Variants in PVT1 observed in about 807,000 individuals in gnomAD.
The protein encoded by PVT1 is Pvt1 oncogene.
intron 4 of PVT1, among the ~76,000 whole-genome samples, chr8:128,060,524 G>A (rs1196580786): frequency 6.6e-6 from 1 of 152,224 alleles, no homozygotes; most frequent in Non-Finnish European, 1.5e-5. Context: ...GACTCTCGGA[G>A]TTTAAACTCT....
chr8:128,068,001 TATAAAAACAATTTTAAAGAATGCCC>T (rs1813931610), intron 4 of PVT1, among the ~76,000 whole-genome samples: 1 of 151,578 alleles, frequency 6.6e-6, no homozygotes, highest in Admixed American at 6.6e-5. Context: ...TAACCACATC[TATAAAAACAATTTTAAAGAATGCCC>T]AAATCCCAGA....
intron 4 of PVT1, among the ~76,000 whole-genome samples, chr8:128,067,980 GA>G (rs1813931328): frequency 9.8e-6 from 1 of 102,468 alleles, no homozygotes; most frequent in Admixed American, 9.9e-5. Context: ...TATCTTATTT[GA>G]AAATCAATAT....
intron 2 of PVT1, among the ~76,000 whole-genome samples, chr8:127,881,517 C>T (rs1037782549): frequency 1.3e-5 from 2 of 151,050 alleles, no homozygotes; most frequent in African/African-American, 4.9e-5. Flanking sequence ...GTGGCACAAT[C>T]ACAATCTCAG....
At chr8:128,022,256 A>G (rs893243887) in intron 4 of PVT1, among the ~76,000 whole-genome samples, 1 of 152,162 alleles carries the variant, frequency 6.6e-6, no homozygotes, top group African/African-American at 2.4e-5. Context: ...GTGGGAGTGG[A>G]TCAATTAACT....
At chr8:127,896,968 C>T (rs1430236746) in intron 3 of PVT1, among the ~76,000 whole-genome samples, 2 of 152,144 alleles carry the variant, frequency 1.3e-5, no homozygotes, top group African/African-American at 4.8e-5. Flanking sequence ...GACCTCACCC[C>T]ATGAAGCTGT....
At chr8:127,993,670 T>A (rs1817071365) in intron 4 of PVT1, among the ~76,000 whole-genome samples, 1 of 152,140 alleles carries the variant, frequency 6.6e-6, no homozygotes, top group African/African-American at 2.4e-5. Flanking sequence ...GTTAACTGAA[T>A]TCAGGACACT....
At chr8:128,042,854 C>T (rs1230730606) in intron 4 of PVT1, among the ~76,000 whole-genome samples, 1 of 152,014 alleles carries the variant, frequency 6.6e-6, no homozygotes, top group Non-Finnish European at 1.5e-5. Context: ...ACCTCTGCCT[C>T]CTGGGTTCAG....
chr8:127,908,306 C>T (rs971751973), intron 3 of PVT1, among the ~76,000 whole-genome samples: 1 of 151,470 alleles, frequency 6.6e-6, no homozygotes, highest in African/African-American at 2.4e-5. Context: ...TTCATCCCTT[C>T]CTCTTCAGTT....
chr8:128,031,970 C>T (rs72720886), intron 4 of PVT1, among the ~76,000 whole-genome samples: 6 of 152,174 alleles, frequency 3.9e-5, no homozygotes, highest in Non-Finnish European at 5.9e-5. Flanking sequence ...ACAACCATGT[C>T]GTGATGATGA....
intron 3 of PVT1, among the ~76,000 whole-genome samples, chr8:127,912,268 G>A (rs1281833495): frequency 1.3e-5 from 2 of 152,114 alleles, no homozygotes; most frequent in Non-Finnish European, 2.9e-5. Flanking sequence ...AAATTTTGGA[G>A]CACTTGCCAT....
intron 4 of PVT1, among the ~76,000 whole-genome samples, chr8:128,029,838 G>A (rs1294836123): frequency 6.6e-6 from 1 of 152,244 alleles, no homozygotes; most frequent in African/African-American, 2.4e-5. Context: ...GCTGGGTGCT[G>A]TGGCTTGCGC....
At chr8:127,941,648 G>C (rs529505280) in intron 3 of PVT1, among the ~76,000 whole-genome samples, 1 of 152,322 alleles carries the variant, frequency 6.6e-6, no homozygotes, top group Admixed American at 6.5e-5. Flanking sequence ...GTTTGCTATT[G>C]TTGGGCATTA....
At chr8:127,883,019 G>A (rs1446515952) in intron 2 of PVT1, among the ~76,000 whole-genome samples, 2 of 150,922 alleles carry the variant, frequency 1.3e-5, no homozygotes, top group African/African-American at 4.9e-5. Flanking sequence ...GCACACACAT[G>A]CCTGCACACA....
intron 4 of PVT1, among the ~76,000 whole-genome samples, chr8:128,068,772 GT>G (rs1282745952): frequency 6.6e-6 from 1 of 152,182 alleles, no homozygotes. Context: ...GATTACAGGC[GT>G]GAGCCACTGC....
At chr8:128,092,546 T>C (rs1279156093) in intron 5 of PVT1, among the ~76,000 whole-genome samples, 3 of 152,218 alleles carry the variant, frequency 2.0e-5, no homozygotes. Context: ...CCTGAAGCGT[T>C]CCGGAACCGG....
intron 2 of PVT1, among the ~76,000 whole-genome samples, chr8:127,881,602 GC>G (rs1289472981): frequency 6.6e-6 from 1 of 151,660 alleles, no homozygotes; most frequent in African/African-American, 2.4e-5. Flanking sequence ...GATTACAGGT[GC>G]CCGCCACCAC....
intron 4 of PVT1, among the ~76,000 whole-genome samples, chr8:128,039,389 C>T (rs140723170): frequency 7.7e-4 from 117 of 152,348 alleles, no homozygotes; most frequent in African/African-American, 2.7e-3. Flanking sequence ...GCCCACCTCT[C>T]CTCTAGTTAA....
chr8:127,808,568 G>T (rs1814554775), intron 2 of PVT1, among the ~76,000 whole-genome samples: 1 of 152,118 alleles, frequency 6.6e-6, no homozygotes, highest in Non-Finnish European at 1.5e-5. Flanking sequence ...GGCTAAGCTG[G>T]GTGGTTCCTG....
intron 4 of PVT1, among the ~76,000 whole-genome samples, chr8:128,022,184 G>T (rs899705319): frequency 6.6e-6 from 1 of 152,200 alleles, no homozygotes; most frequent in Non-Finnish European, 1.5e-5. Context: ...TTGTGTGGAG[G>T]TGGGTTACAA....
Sources: allele counts gnomAD v4.1 joint callset (sites outside exome capture counted in the v4.1 genomes callset), GRCh38; gene constraint gnomAD v4.1.1; transcripts MANE v1.5; gene names NCBI Gene and HGNC (gene_info 2026-07-23, HGNC 2026-07-21).